Variants in ZNF565 observed in about 807,000 individuals in gnomAD.
ZNF565 encodes the protein zinc finger protein 565.
ZNF565 carries 27 observed loss-of-function variants against 39.4 expected under a neutral mutation model. The ratio of observed to expected loss-of-function variants is 0.69; its 90% CI spans 0.51 to 0.95. ZNF565 has a LOEUF of 0.95. ZNF565 is among the 40% of genes least tolerant of loss of function. The pLI is 0.00. For synonymous variants in ZNF565, 185 were observed against 216.6 expected, an observed-to-expected ratio of 0.85 and a Z score of 1.28; for missense variants, 524 against 621.1, an observed-to-expected ratio of 0.84 and a Z score of 1.66.
intron 1 of ZNF565, among the ~76,000 whole-genome samples, chr19:36,223,654 C>A (rs548728351): frequency 6.3e-5 from 9 of 142,398 alleles, no homozygotes; most frequent in Admixed American, 3.6e-4. Flanking sequence ...TGAGCCACCG[C>A]GCGTGGCTGA....
rs57036778 is a variant in ZNF565, at chr19:36,241,781, C to CAAA, written c.55+3692_55+3694dup. Among the ~76,000 whole-genome samples, 134 of 79,620 alleles carry CAAA rather than the reference C, an allele frequency of 1.7e-3. 1 individual carries two copies. Among genetic ancestry groups the CAAA allele is most frequent in the African/African-American group, 3.2e-3 (63 of 19,610 alleles). 52.2% of individuals were successfully genotyped at this position (79,620 alleles called of 152,430 possible). A position where few individuals can be genotyped will look rare whatever the true frequency, so the allele number is the denominator to read the frequency against. On this transcript the variant is annotated intron_variant, in intron 1 of 4. Coordinates refer to the ZNF565 transcript ENST00000355114. ...CACTCCAGCCTGGCAAGAAGAGTGT[C>CAAA]AAAAAAAAAAAAAAAAAAAAAAGCT... is the stretch of plus-strand genomic sequence containing the variant.
chr19:36,205,469 G>A (rs769387073), intron 1 of ZNF565, among the ~76,000 whole-genome samples: 4 of 151,716 alleles, frequency 2.6e-5, no homozygotes, highest in East Asian at 1.9e-4. Context: ...CAGAGGTTGC[G>A]GTGAGCCGAG....
chr19:36,184,784 G>C (rs1172589105), intron 4 of ZNF565, among the ~76,000 whole-genome samples: 2 of 152,084 alleles, frequency 1.3e-5, no homozygotes, highest in African/African-American at 4.8e-5. Flanking sequence ...GAAAATCTCT[G>C]CTTAAACATT....
In ZNF565 at chr19:36,182,641, G is replaced by T. The variant is rs770572802; in HGVS notation, c.1325C>A (p.Thr442Asn). The change falls in exon 5 of 5, where the codon ACT becomes AAT. Residue 442 changes from threonine to asparagine, a missense_variant. By Grantham distance (65) the Thr-to-Asn change is moderately conservative (BLOSUM62 0). Coordinates refer to ENST00000304116, the MANE Select transcript of ZNF565 (RefSeq NM_152477.5). ...SQLTHHQRIH[T>N]CEKPYECREC... ...CCTGCATTCATAGGGTTTCTCACAAGTGTGAATTCGCTGATGATGAGTCAG... is the reference window on the plus strand; with the variant it reads ...CCTGCATTCATAGGGTTTCTCACAATTGTGAATTCGCTGATGATGAGTCAG... 1.9e-6 allele frequency: 3 copies of T among 1,614,004 alleles called. No individual in the cohort carries two copies. Among genetic ancestry groups the T allele is most frequent in the Non-Finnish European group, 1.7e-6 (2 of 1,179,976 alleles).
intron 1 of ZNF565, chr19:36,237,597 A>G (rs1977691448): frequency 3.4e-6 from 1 of 292,276 alleles, no homozygotes; most frequent in Non-Finnish European, 6.7e-6. Context: ...CCTGTTTTTT[A>G]TTGCTACCAC....
chr19:36,183,320 T>C lies in ZNF565; in HGVS notation c.646A>G (p.Ile216Val). 1 of 1,613,784 alleles carries C rather than the reference T, an allele frequency of 6.2e-7. No homozygotes were observed. The highest frequency in any genetic ancestry group is 1.1e-5 in the South Asian group (1 of 91,044). Residue 216 changes from isoleucine to valine, a missense_variant, in exon 5 of 5, where the codon ATT becomes GTT. Transcript: ENST00000304116. ...RASHLVQHQRIHTGEKPYDCK... is the reference protein window; with the variant it reads ...RASHLVQHQRVHTGEKPYDCK... ...TCATAAGGTTTCTCACCCGTGTGAA[T>C]TCTCTGATGCTGAACAAGGTGTGAG...
At chr19:36,237,856 C>T (rs1977702119) in intron 1 of ZNF565, 1 of 166,696 alleles carries the variant, frequency 6.0e-6, no homozygotes, top group Admixed American at 6.6e-5. Flanking sequence ...AGTTTGTTCT[C>T]CAAGGGGGAA....
chr19:36,226,271 C>G (rs529748900), intron 1 of ZNF565, among the ~76,000 whole-genome samples: 4 of 152,342 alleles, frequency 2.6e-5, no homozygotes, highest in African/African-American at 9.6e-5. Flanking sequence ...AAGTTGCTTC[C>G]AGCCAACTCA....
chr19:36,223,308 A>C, intron 1 of ZNF565, among the ~76,000 whole-genome samples: 1 of 150,986 alleles, frequency 6.6e-6, no homozygotes, highest in East Asian at 2.0e-4. Context: ...ACACCACTGC[A>C]CTTTAGCCTG....
chr19:36,200,327 A>G (rs28812837), intron 2 of ZNF565, among the ~76,000 whole-genome samples: 10,848 of 152,112 alleles, frequency 0.071, 1,244 homozygotes, highest in African/African-American at 0.24. Flanking sequence ...CATCCAGCCG[A>G]GAAATTTTAA....
intron 4 of ZNF565, among the ~76,000 whole-genome samples, chr19:36,192,863 C>G (rs1168338215): frequency 6.6e-6 from 1 of 151,898 alleles, no homozygotes. Context: ...GTCGCTCAGG[C>G]TGGAGTGCAA....
chr19:36,184,406 C>T (rs1465793793), intron 4 of ZNF565, among the ~76,000 whole-genome samples: 1 of 151,944 alleles, frequency 6.6e-6, no homozygotes, highest in Non-Finnish European at 1.5e-5. Flanking sequence ...GCTGGGATTA[C>T]AGGCACTGCT....
intron 1 of ZNF565, among the ~76,000 whole-genome samples, chr19:36,224,953 A>G (rs541497129): frequency 4.0e-5 from 6 of 150,802 alleles, no homozygotes; most frequent in Non-Finnish European, 7.4e-5. Context: ...TGATTTCTAC[A>G]TACTAATATT....
intron 1 of ZNF565, among the ~76,000 whole-genome samples, chr19:36,227,172 T>A (rs939298521): frequency 1.3e-4 from 19 of 151,964 alleles, no homozygotes; most frequent in African/African-American, 4.6e-4. Context: ...GCGGATCACC[T>A]GAGGTCAGGG....
intron 2 of ZNF565, among the ~76,000 whole-genome samples, chr19:36,197,113 C>T (rs1975789125): frequency 6.6e-6 from 1 of 150,680 alleles, no homozygotes; most frequent in Non-Finnish European, 1.5e-5. Flanking sequence ...TCTACTAAAA[C>T]TACAAAAAAT....
chr19:36,235,717 G>C (rs890145286), intron 1 of ZNF565: 1 of 152,288 alleles, frequency 6.6e-6, no homozygotes, highest in Admixed American at 6.5e-5. Flanking sequence ...GAGGCACCAG[G>C]ACTTGGGAGG....
At position 36,194,364 on chromosome 19, in the gene ZNF565, C is replaced by T. The variant is rs758661059; in HGVS notation, c.137-36G>A. On this transcript the variant is annotated intron_variant, in intron 3 of 4. Transcript: ENST00000304116. ...GAAAAGAAATGGGGTGTGATCAGAC[C>T]GCTCCAAAATCCAAACCCAGTTCCC... 60 of 1,531,660 alleles carry T rather than the reference C, an allele frequency of 3.9e-5. 2 individuals are homozygous for T. Among genetic ancestry groups the T allele is most frequent in the South Asian group, 1.2e-4 (10 of 82,310 alleles). 94.9% of individuals were successfully genotyped at this position (1,531,660 alleles called of 1,614,324 possible). A position where few individuals can be genotyped will look rare whatever the true frequency, so the allele number is the denominator to read the frequency against.
At chr19:36,214,306 TCA>T (rs1480044167) in intron 1 of ZNF565, among the ~76,000 whole-genome samples, 2 of 151,550 alleles carry the variant, frequency 1.3e-5, no homozygotes, top group Non-Finnish European at 2.9e-5. Context: ...CCCGCAGTGG[TCA>T]CACAGTCACA....
At chr19:36,199,952 G>A (rs1052521631) in intron 2 of ZNF565, among the ~76,000 whole-genome samples, 2 of 150,892 alleles carry the variant, frequency 1.3e-5, no homozygotes, top group African/African-American at 4.9e-5. Flanking sequence ...GAGCCACTGG[G>A]CCTGGCCAGA....
Sources: allele counts gnomAD v4.1 joint callset (sites outside exome capture counted in the v4.1 genomes callset), GRCh38; gene constraint gnomAD v4.1.1; transcripts MANE v1.5; gene names NCBI Gene and HGNC (gene_info 2026-07-23, HGNC 2026-07-21).